Variants in ATP10D observed in about 807,000 individuals in gnomAD.
ATP10D encodes the protein phospholipid-transporting ATPase VD.
ATP10D carries 89 observed loss-of-function variants against 144.8 expected under a neutral mutation model. The ratio of observed to expected loss-of-function variants is 0.61; its 90% confidence interval spans 0.52 to 0.73. The LOEUF is 0.73. Ranked by LOEUF, ATP10D falls within the 30% of genes least tolerant of loss-of-function variation. The probability of loss-of-function intolerance (pLI) is 0.00; values close to 1 mark genes in which losing one functional copy is unlikely to be tolerated. For synonymous variants in ATP10D, 571 were observed against 615.1 expected (o/e 0.93, Z 1.06); for missense variants, 1,603 against 1,714.8 (o/e 0.93, Z 1.15).
In ATP10D at chr4:47,523,072, C is replaced by T; in HGVS notation, c.546C>T (p.Arg182=). ...ACGTTACTGTTGGGGACTTTATTCG[C>T]CTCTCCTGCAACGAGGTCATCCCTG... ...WKDVTVGDFI[R]LSCNEVIPAD... Residue 182 remains arginine (R), a synonymous_variant, in exon 4 of 23, where the codon CGC becomes CGT. Coordinates refer to ENST00000273859, the MANE Select transcript of ATP10D (RefSeq NM_020453.4). 6.2e-7 allele frequency: 1 copy of T among 1,613,666 alleles called. No homozygotes were observed.
chr4:47,487,613 A>G (rs534744909), intron 1 of ATP10D, among the ~76,000 whole-genome samples: 1 of 152,366 alleles, frequency 6.6e-6, no homozygotes, highest in East Asian at 1.9e-4. Flanking sequence ...GCTGGATGCT[A>G]TCACTATTCC....
chr4:47,562,780 A>G (rs1719389572), intron 14 of ATP10D, among the ~76,000 whole-genome samples: 1 of 152,170 alleles, frequency 6.6e-6, no homozygotes, highest in South Asian at 2.1e-4. Context: ...GCAAAGTCAC[A>G]GAATCAGATT....
At chr4:47,585,271 C>T (rs79144683) in intron 21 of ATP10D, among the ~76,000 whole-genome samples, 5,044 of 151,144 alleles carry the variant, frequency 0.033, 270 homozygotes, top group African/African-American at 0.12. Context: ...AAAAAAAAAA[C>T]GCAATTATTT....
Position 47,531,486 on chromosome 4 carries a change from A to G in ATP10D, c.777-4023A>G, listed in dbSNP as rs150916299. On this transcript the variant is annotated intron_variant, in intron 5 of 22. Transcript: ENST00000273859. ...AGTATGTCTGGAATGTAGGTGAGCA[A>G]TAAGGCAGATCATGAAGAGGCCAGA... is the stretch of plus-strand genomic sequence containing the variant. 7.2e-3 allele frequency among the ~76,000 whole-genome samples: 1,096 copies of G among 152,316 alleles called. 10 individuals are homozygous for G. Among genetic ancestry groups the G allele is most frequent in the Non-Finnish European group, 0.012 (824 of 68,028 alleles).
intron 22 of ATP10D, among the ~76,000 whole-genome samples, 169 bp from the exon 23 acceptor site, chr4:47,590,873 A>G (rs1720997217): frequency 6.6e-6 from 1 of 151,336 alleles, no homozygotes; most frequent in South Asian, 2.1e-4. Context: ...TTTATTTAAT[A>G]TTGTTTTATC....
chr4:47,576,655 T>C lies in ATP10D; in HGVS notation c.3367-118T>C, dbSNP rs1264310399. 1.2e-5 allele frequency: 11 copies of C among 887,072 alleles called. No homozygotes were observed. In the East Asian group the frequency reaches 2.7e-4, roughly 21 times the overall value. The allele number at this position is 887,072 out of a possible 1,614,324, so 55.0% of individuals were successfully genotyped here. The stretch of plus-strand genomic sequence containing the variant: ...CAAGGTAAATTGTGGTCCTATCTTA[T>C]ATAAGAAAACTACAGAGAGGCTGAG... On this transcript the variant is annotated intron_variant, in intron 18 of 22. Transcript: ENST00000273859.
chr4:47,545,140 G>A (rs1234584931), intron 9 of ATP10D, among the ~76,000 whole-genome samples: 1 of 152,194 alleles, frequency 6.6e-6, no homozygotes, highest in African/African-American at 2.4e-5. Flanking sequence ...CCGTAGGAAA[G>A]GCTTCCAGTC....
intron 15 of ATP10D, among the ~76,000 whole-genome samples, 181 bp from the exon 16 acceptor site, chr4:47,568,656 C>G (rs1490202642): frequency 6.6e-6 from 1 of 152,156 alleles, no homozygotes; most frequent in Non-Finnish European, 1.5e-5. Flanking sequence ...TCCTTTTAAC[C>G]CATCCCCACA....
intron 10 of ATP10D, among the ~76,000 whole-genome samples, chr4:47,549,805 G>A (rs1718632907): frequency 6.6e-6 from 1 of 152,222 alleles, no homozygotes; most frequent in Non-Finnish European, 1.5e-5. Context: ...AAACTAATGA[G>A]TAGAGAGAGG....
At chr4:47,579,135 A>G (rs969560974) in intron 19 of ATP10D, among the ~76,000 whole-genome samples, 1 of 152,196 alleles carries the variant, frequency 6.6e-6, no homozygotes, top group Non-Finnish European at 1.5e-5. Flanking sequence ...AATCCTTCAC[A>G]CAGCCTCAGA....
At chr4:47,494,921 G>A (rs1715275017) in intron 1 of ATP10D, among the ~76,000 whole-genome samples, 1 of 152,170 alleles carries the variant, frequency 6.6e-6, no homozygotes, top group Admixed American at 6.5e-5. Flanking sequence ...TCAGAAAGAA[G>A]AGTCTCCCAA....
intron 1 of ATP10D, among the ~76,000 whole-genome samples, chr4:47,499,626 C>T (rs377744819): frequency 1.3e-5 from 2 of 152,098 alleles, no homozygotes; most frequent in South Asian, 4.1e-4. Context: ...CGCTTGTGCT[C>T]AGAGCATTGG....
rs964932684 is a variant in ATP10D, at chr4:47,522,228, C to T, written c.486-784C>T. On this transcript the variant is annotated intron_variant, in intron 3 of 22. Transcript: ENST00000273859. ...GGAAAATGACATTCTACTATACAAA[C>T]GTCCTCATTCTACCCTAACGAAAAT... Among the ~76,000 whole-genome samples, 3 of 152,110 alleles carry T rather than the reference C, an allele frequency of 2.0e-5. No homozygotes were observed. The South Asian group carries it at 6.2e-4, about 32-fold the overall frequency.
intron 15 of ATP10D, among the ~76,000 whole-genome samples, chr4:47,567,866 C>T (rs538987234): frequency 4.4e-4 from 67 of 152,324 alleles, no homozygotes; most frequent in African/African-American, 1.4e-3. Context: ...CTTGATAAAA[C>T]AGCATTTAAA....
intron 22 of ATP10D, among the ~76,000 whole-genome samples, chr4:47,589,237 T>C (rs781473807): frequency 1.2e-4 from 19 of 152,132 alleles, no homozygotes; most frequent in Non-Finnish European, 2.4e-4. Context: ...TTTGGCCCAG[T>C]GAAGCTAATT....
At chr4:47,511,037 G>A (rs1560415814) in intron 1 of ATP10D, among the ~76,000 whole-genome samples, 1 of 152,108 alleles carries the variant, frequency 6.6e-6, no homozygotes, top group Non-Finnish European at 1.5e-5. Context: ...TTCTTATTCT[G>A]GGGGAGAGTT....
chr4:47,577,062 C>T, intron 19 of ATP10D, 89 bp downstream of exon 19: 1 of 1,117,328 alleles, frequency 8.9e-7, no homozygotes, highest in Non-Finnish European at 1.3e-6. Context: ...TTGCAGTCTA[C>T]TCAGAACTGT....
At position 47,569,086 on chromosome 4, in the gene ATP10D, C is replaced by T; in HGVS notation, c.3103C>T (p.Gln1035Ter). 1.2e-6 allele frequency: 2 copies of T among 1,614,214 alleles called. No homozygotes were observed. The highest frequency in any genetic ancestry group is 1.7e-6 in the Non-Finnish European group (2 of 1,180,036). Residue 1035 changes from glutamine to a stop codon, truncating the protein, a stop_gained, in exon 16 of 23, where the codon CAG (glutamine) becomes TAG (stop). Transcript: ENST00000273859. LOFTEE classifies it high-confidence loss of function. ...GGTCTGCTGCCGAGCCACACCGCTG[C>T]AGAAAAGTGAAGTGGTGAAATTGGT... is the stretch of plus-strand genomic sequence containing the variant. ...AVVCCRATPL[Q>*]KSEVVKLVRS...
intron 16 of ATP10D, among the ~76,000 whole-genome samples, chr4:47,569,586 T>C (rs777208499): frequency 6.6e-6 from 1 of 152,168 alleles, no homozygotes; most frequent in Non-Finnish European, 1.5e-5. Context: ...TACAAGAGTA[T>C]ATAAAATTGG....
Sources: allele counts gnomAD v4.1 joint callset (sites outside exome capture counted in the v4.1 genomes callset), GRCh38; gene constraint gnomAD v4.1.1; transcripts MANE v1.5; gene names NCBI Gene and HGNC (gene_info 2026-07-23, HGNC 2026-07-21).